Variants in MSI2 observed in about 807,000 individuals in gnomAD.
The protein encoded by MSI2 is musashi RNA binding protein 2, also known as RNA-binding protein Musashi homolog 2.
A neutral mutation model predicts 45.6 loss-of-function variants in MSI2; 17 were observed. The ratio of observed to expected loss-of-function variants is 0.37; its 90% confidence interval spans 0.26 to 0.56. The LOEUF (loss-of-function observed/expected upper bound fraction) is 0.56. Ranked by LOEUF, MSI2 falls within the 20% of genes least tolerant of loss-of-function variation. The pLI is 0.77. For missense variants in MSI2, 293 were observed against 444.2 expected, an observed-to-expected ratio of 0.66 and a Z score of 3.06; for synonymous variants, 156 against 158.2, an observed-to-expected ratio of 0.99 and a Z score of 0.11.
At chr17:57,536,668 G>A (rs1008920984) in intron 7 of MSI2, among the ~76,000 whole-genome samples, 6 of 152,224 alleles carry the variant, frequency 3.9e-5, no homozygotes, top group African/African-American at 1.4e-4. Flanking sequence ...TAAACCAACA[G>A]TTGGTCACTA....
In MSI2 at chr17:57,529,794, C is replaced by A; in HGVS notation, c.454+70C>A. ...GCCTCTCTGTCTGTCATCCCCAGTC[C>A]CACTGACAAAAGATACAGTGAAGAG... On this transcript the variant is annotated intron_variant, in intron 7 of 13. Transcript: ENST00000284073. This position sits in a 1 kb window ranked among gnomAD's most constrained non-coding sequence, Gnocchi z 5.3. 2 of 1,301,360 alleles carry A rather than the reference C, an allele frequency of 1.5e-6. No homozygotes were observed. Among genetic ancestry groups the A allele is most frequent in the African/African-American group, 1.5e-5 (1 of 67,096 alleles). The allele number at this position is 1,301,360 out of a possible 1,614,324, so 80.6% of individuals were successfully genotyped here.
chr17:57,505,390 G>A (rs2086205610), intron 6 of MSI2, among the ~76,000 whole-genome samples: 1 of 152,110 alleles, frequency 6.6e-6, no homozygotes, highest in Non-Finnish European at 1.5e-5. Flanking sequence ...AGCACCTGGG[G>A]CCTAGAAAAC....
At chr17:57,362,780 A>G (rs528699068) in intron 5 of MSI2, among the ~76,000 whole-genome samples, 2 of 152,330 alleles carry the variant, frequency 1.3e-5, no homozygotes, top group South Asian at 2.1e-4. Context: ...TTGTCTTTGT[A>G]TAATGCTACT....
At chr17:57,623,717 C>T (rs1908525922) in intron 9 of MSI2, among the ~76,000 whole-genome samples, 1 of 152,144 alleles carries the variant, frequency 6.6e-6, no homozygotes, top group African/African-American at 2.4e-5. Flanking sequence ...GTGGCTGGGT[C>T]ATCCCACCGT....
intron 5 of MSI2, among the ~76,000 whole-genome samples, chr17:57,381,330 T>G (rs573760462): frequency 3.9e-4 from 59 of 152,126 alleles, no homozygotes; most frequent in African/African-American, 1.4e-3. Context: ...CCTCCCAGAG[T>G]GCGGGGATTA....
At chr17:57,300,339 A>G (rs569872483) in intron 5 of MSI2, among the ~76,000 whole-genome samples, 1 of 152,332 alleles carries the variant, frequency 6.6e-6, no homozygotes, top group African/African-American at 2.4e-5. Flanking sequence ...AATGTTCCCA[A>G]TTACATAAAT....
At chr17:57,615,929 A>G in intron 8 of MSI2, 41 bp from the exon 9 acceptor site, 1 of 1,457,190 alleles carries the variant, frequency 6.9e-7, no homozygotes, top group African/African-American at 1.4e-5. Context: ...ATTTACGTGG[A>G]ATTCATTTGC....
chr17:57,294,062 T>C (rs1910713133), intron 5 of MSI2, among the ~76,000 whole-genome samples: 1 of 152,110 alleles, frequency 6.6e-6, no homozygotes, highest in Non-Finnish European at 1.5e-5. Flanking sequence ...TCCAGGGTAG[T>C]GTGGGATTTA....
At chr17:57,273,865 T>C (rs963376290) in intron 5 of MSI2, among the ~76,000 whole-genome samples, 1 of 152,216 alleles carries the variant, frequency 6.6e-6, no homozygotes, top group Non-Finnish European at 1.5e-5. Flanking sequence ...AGAGAAGGAC[T>C]GATTGTGTTC....
chr17:57,270,617 G>T (rs1908270219), intron 5 of MSI2, among the ~76,000 whole-genome samples: 1 of 152,198 alleles, frequency 6.6e-6, no homozygotes, highest in African/African-American at 2.4e-5. Flanking sequence ...TAGTGGTTTT[G>T]CACCTCCACT....
At chr17:57,551,066 C>T (rs549053091) in intron 7 of MSI2, among the ~76,000 whole-genome samples, 8 of 152,170 alleles carry the variant, frequency 5.3e-5, no homozygotes, top group Non-Finnish European at 1.0e-4. Context: ...GACCTTCTCC[C>T]GGTGCTTTTT....
intron 7 of MSI2, among the ~76,000 whole-genome samples, chr17:57,573,445 A>T (rs1057346335): frequency 1.3e-5 from 2 of 152,150 alleles, no homozygotes; most frequent in Admixed American, 6.5e-5. Context: ...TATTGAGAAT[A>T]AGTTCTAGGC....
At chr17:57,510,497 G>C (rs143724291) in intron 6 of MSI2, among the ~76,000 whole-genome samples, 2 of 151,674 alleles carry the variant, frequency 1.3e-5, no homozygotes, top group African/African-American at 4.9e-5. Flanking sequence ...GCACGATCTC[G>C]GCTCACTGCA....
intron 5 of MSI2, among the ~76,000 whole-genome samples, chr17:57,381,492 T>C (rs139880424): frequency 3.3e-5 from 5 of 152,352 alleles, no homozygotes; most frequent in Middle Eastern, 3.4e-3. Flanking sequence ...CTGGTTCTTT[T>C]AGAACCTGTT....
intron 5 of MSI2, among the ~76,000 whole-genome samples, chr17:57,395,550 G>A (rs572738218): frequency 1.3e-5 from 2 of 152,288 alleles, no homozygotes; most frequent in Admixed American, 1.3e-4. Context: ...GCAGTTGTGA[G>A]GGTGAGGGAG....
intron 8 of MSI2, among the ~76,000 whole-genome samples, chr17:57,603,316 G>C (rs553233528): frequency 1.3e-5 from 2 of 152,204 alleles, no homozygotes; most frequent in Non-Finnish European, 2.9e-5. Flanking sequence ...TGAGGTGCAC[G>C]TGTCCTTGTC....
intron 6 of MSI2, among the ~76,000 whole-genome samples, chr17:57,521,557 G>A (rs189349469): frequency 6.6e-6 from 1 of 152,294 alleles, no homozygotes; most frequent in East Asian, 1.9e-4. Flanking sequence ...AAAGTAGGAT[G>A]AGGCAAGGAG....
intron 6 of MSI2, among the ~76,000 whole-genome samples, chr17:57,526,946 C>A (rs1374783115): frequency 6.6e-6 from 1 of 152,160 alleles, no homozygotes. Flanking sequence ...GATCCTCCCC[C>A]ACGCTCACCA....
intron 11 of MSI2, among the ~76,000 whole-genome samples, chr17:57,657,759 T>A (rs954258896): frequency 3.9e-5 from 6 of 152,332 alleles, no homozygotes; most frequent in African/African-American, 1.2e-4. Flanking sequence ...GTGTCCCACA[T>A]ACACTCTTCC....
Sources: gnomAD v4.1 joint callset for allele counts (sites outside exome capture counted in the v4.1 genomes callset) on GRCh38, gnomAD v4.1.1 for gene constraint, Gnocchi (gnomAD v3.1) non-coding constraint, MANE v1.5 for transcripts, NCBI Gene and HGNC (gene_info 2026-07-23, HGNC 2026-07-21) for gene names.